The following TMEM178B variants were observed in gnomAD, a reference collection of about 807,000 sequenced individuals.
TMEM178B encodes the protein transmembrane protein 178B.
Under a neutral mutation model 31.0 loss-of-function variants are expected in TMEM178B, and 5 were observed. The ratio of observed to expected loss-of-function variants is 0.16; its 90% confidence interval spans 0.08 to 0.34. The LOEUF is 0.34. Among genes scored for constraint, TMEM178B ranks in the 10% least tolerant of loss-of-function variants. The probability of loss-of-function intolerance (pLI) is 1.00; values close to 1 mark genes in which losing one functional copy is unlikely to be tolerated. For missense variants in TMEM178B, 275 were observed against 400.3 expected, an observed-to-expected ratio of 0.69 and a Z score of 2.67; for synonymous variants, 164 against 164.0, an observed-to-expected ratio of 1.00 and a Z score of 0.00.
At chr7:141,305,995 A>G (rs758878745) in intron 2 of TMEM178B, among the ~76,000 whole-genome samples, 2 of 152,080 alleles carry the variant, frequency 1.3e-5, no homozygotes, top group Non-Finnish European at 2.9e-5. Flanking sequence ...TGGTCTCTTG[A>G]AATACTCTCA....
At chr7:141,443,698 C>G (rs1801702556) in intron 3 of TMEM178B, among the ~76,000 whole-genome samples, 2 of 152,140 alleles carry the variant, frequency 1.3e-5, no homozygotes, top group South Asian at 4.1e-4. Context: ...AGGAAGTCAC[C>G]ACATGCAGCC....
chr7:141,163,582 G>A (rs541922995), intron 1 of TMEM178B, among the ~76,000 whole-genome samples: 12 of 146,898 alleles, frequency 8.2e-5, no homozygotes, highest in South Asian at 2.2e-4. Flanking sequence ...GTGCAATCCT[G>A]GCTCACTGCA....
intron 3 of TMEM178B, among the ~76,000 whole-genome samples, chr7:141,441,168 G>A (rs1224168432): frequency 1.3e-5 from 2 of 152,206 alleles, no homozygotes; most frequent in African/African-American, 2.4e-5. Flanking sequence ...AACAGAAGCT[G>A]CACTTCCCGC....
intron 2 of TMEM178B, among the ~76,000 whole-genome samples, chr7:141,308,050 A>G (rs1440204513): frequency 6.6e-6 from 1 of 152,230 alleles, no homozygotes; most frequent in Non-Finnish European, 1.5e-5. Flanking sequence ...TATTGTGTCT[A>G]TAACATTCTG....
At chr7:141,429,485 A>T (rs575620127) in intron 2 of TMEM178B, among the ~76,000 whole-genome samples, 2 of 152,346 alleles carry the variant, frequency 1.3e-5, no homozygotes, top group African/African-American at 4.8e-5. Context: ...GAATCTAAAA[A>T]GTTGATCACA....
intron 2 of TMEM178B, among the ~76,000 whole-genome samples, chr7:141,406,688 T>G (rs2116627736): frequency 6.6e-6 from 1 of 152,332 alleles, no homozygotes; most frequent in Admixed American, 6.5e-5. Flanking sequence ...ATATATCATA[T>G]TCTAAGTAGG....
intron 2 of TMEM178B, among the ~76,000 whole-genome samples, chr7:141,417,494 C>T (rs1296996235): frequency 6.6e-6 from 1 of 151,916 alleles, no homozygotes; most frequent in African/African-American, 2.4e-5. Flanking sequence ...ATGAATGAGT[C>T]AGTGAATGAA....
intron 2 of TMEM178B, among the ~76,000 whole-genome samples, chr7:141,250,887 T>C (rs1379939996): frequency 6.6e-6 from 1 of 152,174 alleles, no homozygotes; most frequent in African/African-American, 2.4e-5. Context: ...TCTGAAAGCA[T>C]TTAGGTCCAA....
At chr7:141,311,108 T>C (rs1224850041) in intron 2 of TMEM178B, among the ~76,000 whole-genome samples, 1 of 152,092 alleles carries the variant, frequency 6.6e-6, no homozygotes, top group Non-Finnish European at 1.5e-5. Context: ...TGAGAACACA[T>C]GGACACAGGG....
chr7:141,239,492 C>G (rs1797582755), intron 2 of TMEM178B, among the ~76,000 whole-genome samples: 1 of 152,144 alleles, frequency 6.6e-6, no homozygotes, highest in Non-Finnish European at 1.5e-5. Context: ...TGCCAGCCAT[C>G]GCTTGGAAAG....
chr7:141,398,686 A>T (rs141320423), intron 2 of TMEM178B, among the ~76,000 whole-genome samples: 14 of 151,996 alleles, frequency 9.2e-5, no homozygotes, highest in African/African-American at 2.7e-4. Context: ...TTGATGGAAA[A>T]CTCTGAGCTT....
chr7:141,195,661 A>G (rs1183367372), intron 1 of TMEM178B, among the ~76,000 whole-genome samples: 1 of 152,062 alleles, frequency 6.6e-6, no homozygotes, highest in Non-Finnish European at 1.5e-5. Context: ...TTGCTTCCAC[A>G]TTTTCAGGTA....
intron 2 of TMEM178B, among the ~76,000 whole-genome samples, chr7:141,324,258 G>A (rs886497333): frequency 3.9e-5 from 6 of 151,986 alleles, no homozygotes; most frequent in Non-Finnish European, 8.8e-5. Context: ...GGAGACACAG[G>A]AGGCTACTGG....
intron 2 of TMEM178B, among the ~76,000 whole-genome samples, chr7:141,376,476 C>G (rs2116579218): frequency 6.6e-6 from 1 of 152,310 alleles, no homozygotes; most frequent in Non-Finnish European, 1.5e-5. Context: ...AATGATGTAA[C>G]AGCCTGATGT....
intron 2 of TMEM178B, among the ~76,000 whole-genome samples, chr7:141,271,669 G>T (rs1244519386): frequency 2.6e-5 from 4 of 152,142 alleles, no homozygotes; most frequent in African/African-American, 9.7e-5. Context: ...CTCCAGCGTT[G>T]AGCTCAACTC....
At chr7:141,129,533 A>G (rs1175321628) in intron 1 of TMEM178B, among the ~76,000 whole-genome samples, 2 of 152,196 alleles carry the variant, frequency 1.3e-5, no homozygotes, top group Admixed American at 6.5e-5. Context: ...GGATCCTTCT[A>G]GTCAAAAACT....
intron 2 of TMEM178B, among the ~76,000 whole-genome samples, chr7:141,408,827 A>G (rs572435448): frequency 2.1e-4 from 32 of 152,176 alleles, no homozygotes; most frequent in Non-Finnish European, 4.6e-4. Flanking sequence ...CGTGTCAACC[A>G]CGCAGAAAGG....
intron 2 of TMEM178B, among the ~76,000 whole-genome samples, chr7:141,315,322 C>T (rs533642175): frequency 6.6e-6 from 1 of 152,264 alleles, no homozygotes; most frequent in East Asian, 1.9e-4. Flanking sequence ...TAAAGTCTAC[C>T]ATTTTCGGGC....
At chr7:141,240,623 T>C (rs1197770270) in intron 2 of TMEM178B, among the ~76,000 whole-genome samples, 1 of 152,252 alleles carries the variant, frequency 6.6e-6, no homozygotes, top group African/African-American at 2.4e-5. Context: ...ATTGATTAGA[T>C]TGCATTTTAA....
Sources: allele counts gnomAD v4.1 joint callset (sites outside exome capture counted in the v4.1 genomes callset), GRCh38; gene constraint gnomAD v4.1.1; transcripts MANE v1.5; gene names NCBI Gene and HGNC (gene_info 2026-07-23, HGNC 2026-07-21).